Variants in RAD51B observed in about 807,000 individuals in gnomAD.
RAD51B encodes the protein DNA repair protein RAD51 homolog 2.
In RAD51B, 38 loss-of-function variants were observed where a neutral mutation model predicts 42.2. The observed-to-expected ratio is 0.90, with a 90% CI of 0.70 to 1.18. The LOEUF is 1.18. Ranked by LOEUF, RAD51B falls within the 50% of genes most tolerant of loss-of-function variation. The probability of loss-of-function intolerance (pLI) is 0.00; values close to 1 mark genes in which losing one functional copy is unlikely to be tolerated. For missense variants in RAD51B, 373 were observed against 400.7 expected, an observed-to-expected ratio of 0.93 and a Z score of 0.59; for synonymous variants, 154 against 145.2, an observed-to-expected ratio of 1.06 and a Z score of -0.43.
At chr14:67,983,936 TTTTC>T (rs1391319741) in intron 7 of RAD51B, among the ~76,000 whole-genome samples, 2 of 151,954 alleles carry the variant, frequency 1.3e-5, no homozygotes, top group Admixed American at 6.6e-5. Context: ...GGTTTTTTTT[TTTTC>T]TTTCTTTCTT....
intron 4 of RAD51B, among the ~76,000 whole-genome samples, chr14:67,864,209 T>A (rs868749075): frequency 1.1e-4 from 17 of 152,310 alleles, no homozygotes; most frequent in Middle Eastern, 6.8e-3. Flanking sequence ...AACCTGAGAT[T>A]TGGATGGGGA....
At chr14:68,267,140 C>T (rs1595630200) in intron 7 of RAD51B, among the ~76,000 whole-genome samples, 1 of 152,244 alleles carries the variant, frequency 6.6e-6, no homozygotes, top group South Asian at 2.1e-4. Flanking sequence ...AAAAGCAACT[C>T]GAAAAGGGGA....
chr14:68,092,706 G>A (rs960627803), intron 7 of RAD51B, among the ~76,000 whole-genome samples: 3 of 152,180 alleles, frequency 2.0e-5, no homozygotes, highest in South Asian at 4.2e-4. Flanking sequence ...TTTCCTGCCT[G>A]ATTGCCCTGA....
intron 8 of RAD51B, among the ~76,000 whole-genome samples, chr14:68,382,556 T>C (rs2083502026): frequency 6.6e-6 from 1 of 152,246 alleles, no homozygotes; most frequent in Admixed American, 6.5e-5. Flanking sequence ...TGTCAGGCTC[T>C]CTGCTAAGTC....
intron 10 of RAD51B, among the ~76,000 whole-genome samples, chr14:68,569,823 G>GC (rs1376267705): frequency 2.6e-5 from 4 of 152,264 alleles, no homozygotes; most frequent in South Asian, 2.1e-4. Context: ...TCAGTAGGGA[G>GC]CCCCCCAACC....
intron 10 of RAD51B, among the ~76,000 whole-genome samples, chr14:68,539,567 G>A (rs2140364918): frequency 6.6e-6 from 1 of 152,310 alleles, no homozygotes; most frequent in South Asian, 2.1e-4. Context: ...TGCTTGTTCG[G>A]TTGCAACTGT....
At chr14:68,175,730 C>A (rs2078951259) in intron 7 of RAD51B, among the ~76,000 whole-genome samples, 2 of 152,094 alleles carry the variant, frequency 1.3e-5, no homozygotes, top group Non-Finnish European at 1.5e-5. Flanking sequence ...ATCACCATCT[C>A]CTAGTAAGTA....
rs561495901 is a variant in RAD51B, at chr14:68,524,834, G to A, written c.1036+56584G>A. ...GTTTTCTCTGAGGCAGGTCTCCAAC[G>A]ATTTCTCTCCAGCATGTGGCAGAGA... On this transcript the variant is annotated intron_variant, in intron 10 of 10. Coordinates refer to the RAD51B transcript ENST00000487270. 1.4e-4 allele frequency among the ~76,000 whole-genome samples: 21 copies of A among 152,332 alleles called. 1 individual carries two copies. In the South Asian group the frequency reaches 3.9e-3, roughly 29 times the overall value.
At chr14:68,623,208 C>T (rs1891994885) in intron 10 of RAD51B, among the ~76,000 whole-genome samples, 1 of 152,260 alleles carries the variant, frequency 6.6e-6, no homozygotes, top group African/African-American at 2.4e-5. Context: ...CCAGCTGTTC[C>T]CTCCCCCAGG....
intron 7 of RAD51B, among the ~76,000 whole-genome samples, chr14:67,988,354 G>T (rs1321094497): frequency 2.6e-5 from 4 of 152,136 alleles, no homozygotes; most frequent in African/African-American, 4.8e-5. Flanking sequence ...AGCTACTTGG[G>T]AGGCTGAGGC....
At chr14:68,440,658 A>G (rs1049428794) in intron 9 of RAD51B, among the ~76,000 whole-genome samples, 1 of 152,106 alleles carries the variant, frequency 6.6e-6, no homozygotes, top group Non-Finnish European at 1.5e-5. Flanking sequence ...AGGCAAGAGA[A>G]TCACTTGAAC....
At chr14:68,570,439 G>A (rs1889638543) in intron 10 of RAD51B, among the ~76,000 whole-genome samples, 2 of 152,216 alleles carry the variant, frequency 1.3e-5, no homozygotes, top group African/African-American at 4.8e-5. Flanking sequence ...CAAGATTGGA[G>A]GCATCTGAAG....
intron 3 of RAD51B, among the ~76,000 whole-genome samples, chr14:67,827,371 A>G (rs1167938113): frequency 3.9e-5 from 6 of 152,156 alleles, no homozygotes; most frequent in Non-Finnish European, 7.3e-5. Context: ...ATACAATTCC[A>G]AATACAGTTC....
At chr14:68,629,268 G>A (rs1356676013) in intron 10 of RAD51B, among the ~76,000 whole-genome samples, 1 of 152,198 alleles carries the variant, frequency 6.6e-6, no homozygotes, top group African/African-American at 2.4e-5. Flanking sequence ...GGGACTACCA[G>A]GTAGCTTTCC....
chr14:68,624,737 G>A (rs775308075), intron 10 of RAD51B, among the ~76,000 whole-genome samples: 3 of 152,156 alleles, frequency 2.0e-5, no homozygotes, highest in Non-Finnish European at 2.9e-5. Context: ...TGACTCCTGC[G>A]CGATCCTCTC....
chr14:68,390,278 C>T (rs143674094), intron 8 of RAD51B, among the ~76,000 whole-genome samples: 11 of 152,272 alleles, frequency 7.2e-5, no homozygotes, highest in Non-Finnish European at 1.6e-4. Flanking sequence ...CCTCGAAGTT[C>T]TGGTCATTTA....
chr14:68,581,407 G>A (rs1890202872), intron 10 of RAD51B, among the ~76,000 whole-genome samples: 1 of 152,190 alleles, frequency 6.6e-6, no homozygotes, highest in African/African-American at 2.4e-5. Flanking sequence ...CAGCTGTGAT[G>A]CTCAGGAGGT....
At chr14:68,351,063 C>T (rs1348307110) in intron 8 of RAD51B, among the ~76,000 whole-genome samples, 3 of 152,126 alleles carry the variant, frequency 2.0e-5, no homozygotes, top group African/African-American at 7.2e-5. Flanking sequence ...TGCCCTACGC[C>T]CTGAGGTTGG....
chr14:68,440,504 G>A (rs1382626023), intron 9 of RAD51B, among the ~76,000 whole-genome samples: 1 of 152,190 alleles, frequency 6.6e-6, no homozygotes, highest in East Asian at 1.9e-4. Flanking sequence ...CAGCACTCTG[G>A]GAGGCCAAGG....
Sources: allele counts gnomAD v4.1 joint callset (sites outside exome capture counted in the v4.1 genomes callset), GRCh38; gene constraint gnomAD v4.1.1; transcripts MANE v1.5; gene names NCBI Gene and HGNC (gene_info 2026-07-23, HGNC 2026-07-21).